LRRC4C: variants seen among roughly 807,000 people sequenced by gnomAD.
LRRC4C encodes the protein leucine-rich repeat-containing protein 4C.
A neutral mutation model predicts 33.6 loss-of-function variants in LRRC4C; 5 were observed. The ratio of observed to expected loss-of-function variants is 0.15; its 90% CI spans 0.08 to 0.31. The LOEUF (loss-of-function observed/expected upper bound fraction) is 0.31. Ranked by LOEUF, LRRC4C falls within the 10% of genes least tolerant of loss-of-function variation. LRRC4C has a pLI of 1.00. For synonymous variants in LRRC4C, 329 were observed against 302.0 expected (o/e 1.09, Z -0.93); for missense variants, 560 against 796.7 (o/e 0.70, Z 3.58).
chr11:41,328,516 A>G (rs940526528), intron 1 of LRRC4C, among the ~76,000 whole-genome samples: 3 of 152,024 alleles, frequency 2.0e-5, no homozygotes, highest in African/African-American at 7.3e-5. Flanking sequence ...CCAGGCCAAC[A>G]CTGCTCTGTC....
At chr11:40,300,962 T>G (rs1412471473) in intron 4 of LRRC4C, among the ~76,000 whole-genome samples, 1 of 152,190 alleles carries the variant, frequency 6.6e-6, no homozygotes, top group African/African-American at 2.4e-5. Context: ...TGTACCAGGC[T>G]CTCTGGAAGG....
intron 1 of LRRC4C, among the ~76,000 whole-genome samples, chr11:41,126,870 T>C (rs1213779199): frequency 6.6e-6 from 1 of 152,066 alleles, no homozygotes; most frequent in Non-Finnish European, 1.5e-5. Context: ...ATGAATGTAA[T>C]TCCATGAGAA....
intron 1 of LRRC4C, among the ~76,000 whole-genome samples, chr11:41,432,281 T>G (rs1590261231): frequency 6.6e-6 from 1 of 152,334 alleles, no homozygotes; most frequent in South Asian, 2.1e-4. Flanking sequence ...AAACTTTAGC[T>G]TAACGTTTTA....
At chr11:41,132,129 C>T (rs560222898) in intron 1 of LRRC4C, among the ~76,000 whole-genome samples, 11 of 152,236 alleles carry the variant, frequency 7.2e-5, no homozygotes, top group African/African-American at 2.6e-4. Flanking sequence ...GGTCCAAAAA[C>T]CCTCTTGGAG....
intron 2 of LRRC4C, among the ~76,000 whole-genome samples, chr11:40,653,294 C>A (rs1397104972): frequency 6.6e-6 from 1 of 152,170 alleles, no homozygotes; most frequent in Non-Finnish European, 1.5e-5. Context: ...AAGTTTGGAA[C>A]TTCCTAGACA....
Position 40,114,618 on chromosome 11 carries a change from G to A in LRRC4C, c.1675C>T (p.His559Tyr), listed in dbSNP as rs1855279918. 2 of 1,614,026 alleles carry A rather than the reference G, an allele frequency of 1.2e-6. No homozygotes were observed. Among genetic ancestry groups the A allele is most frequent in the South Asian group, 2.2e-5 (2 of 91,086 alleles). Residue 559 changes from histidine to tyrosine, a missense_variant, in exon 7 of 7, where the codon CAT becomes TAT. By Grantham distance (83) the His-to-Tyr change is moderately conservative. Coordinates refer to ENST00000528697, the MANE Select transcript of LRRC4C (RefSeq NM_001258419.2). ...TCAACAGTCCTTGTTGGGGCGTGAT[G>A]GTTTTGCCGATGGTGCTGCTTCCTC... ...KMRKQHHRQN[H>Y]HAPTRTVEII...
intron 1 of LRRC4C, among the ~76,000 whole-genome samples, chr11:41,138,749 C>T (rs1417357843): frequency 6.6e-6 from 1 of 152,168 alleles, no homozygotes; most frequent in East Asian, 1.9e-4. Context: ...GGAACAGATG[C>T]ATTTCAATAA....
chr11:40,221,351 C>T (rs140370530), intron 5 of LRRC4C, among the ~76,000 whole-genome samples: 4 of 152,188 alleles, frequency 2.6e-5, no homozygotes, highest in African/African-American at 4.8e-5. Context: ...TTTAAACTGA[C>T]GGATCAGTCT....
chr11:40,896,021 C>T (rs888298735), intron 2 of LRRC4C, among the ~76,000 whole-genome samples: 3 of 152,198 alleles, frequency 2.0e-5, no homozygotes, highest in African/African-American at 7.2e-5. Context: ...CAATTCCAGC[C>T]ACCAAGGGGT....
intron 1 of LRRC4C, among the ~76,000 whole-genome samples, chr11:41,310,063 C>A (rs191736831): frequency 2.7e-4 from 41 of 152,250 alleles, no homozygotes; most frequent in African/African-American, 8.7e-4. Context: ...TTTCTCATTT[C>A]CTCCCAAGGA....
chr11:40,228,797 A>C (rs552911790), intron 5 of LRRC4C, among the ~76,000 whole-genome samples: 2 of 152,168 alleles, frequency 1.3e-5, no homozygotes, highest in Non-Finnish European at 2.9e-5. Context: ...CATGTTGATA[A>C]AGTATGAAGT....
chr11:41,192,511 C>T, intron 1 of LRRC4C, among the ~76,000 whole-genome samples: 1 of 151,876 alleles, frequency 6.6e-6, no homozygotes, highest in East Asian at 1.9e-4. Context: ...ATCAGTACCC[C>T]TTATTCCCCC....
At chr11:40,694,613 A>C (rs1221574556) in intron 2 of LRRC4C, among the ~76,000 whole-genome samples, 1 of 152,158 alleles carries the variant, frequency 6.6e-6, no homozygotes, top group South Asian at 2.1e-4. Flanking sequence ...TCCCATGGCT[A>C]TACAGAGACA....
chr11:40,468,623 AG>A (rs1191641677), intron 3 of LRRC4C, among the ~76,000 whole-genome samples: 1 of 152,282 alleles, frequency 6.6e-6, no homozygotes, highest in East Asian at 1.9e-4. Flanking sequence ...AGTTTAACAA[AG>A]AGCTTTTCCA....
intron 6 of LRRC4C, among the ~76,000 whole-genome samples, chr11:40,119,878 C>T (rs1351389153): frequency 6.6e-6 from 1 of 152,160 alleles, no homozygotes; most frequent in Non-Finnish European, 1.5e-5. Context: ...CTCACACCAC[C>T]ATTCCCCTGC....
intron 5 of LRRC4C, among the ~76,000 whole-genome samples, chr11:40,190,698 A>G (rs777787190): frequency 2.0e-5 from 3 of 152,204 alleles, no homozygotes; most frequent in Non-Finnish European, 2.9e-5. Flanking sequence ...TAAAACATAA[A>G]ATGATTTTAC....
At chr11:40,559,376 G>A (rs1488624333) in intron 3 of LRRC4C, among the ~76,000 whole-genome samples, 1 of 151,926 alleles carries the variant, frequency 6.6e-6, no homozygotes, top group African/African-American at 2.4e-5. Context: ...GTAGAGACGG[G>A]GTTTTGCCAT....
At chr11:40,931,302 C>G (rs1490417381) in intron 2 of LRRC4C, among the ~76,000 whole-genome samples, 1 of 152,104 alleles carries the variant, frequency 6.6e-6, no homozygotes, top group Non-Finnish European at 1.5e-5. Context: ...TGTACATTTA[C>G]TGGGAATTTA....
chr11:40,949,323 G>T (rs553318325), intron 1 of LRRC4C, among the ~76,000 whole-genome samples: 80 of 152,232 alleles, frequency 5.3e-4, no homozygotes, highest in African/African-American at 1.8e-3. Context: ...TGGGTTGCCT[G>T]TTCACTCTGA....
Sources: gnomAD v4.1 joint callset for allele counts (sites outside exome capture counted in the v4.1 genomes callset) on GRCh38, gnomAD v4.1.1 for gene constraint, MANE v1.5 for transcripts, NCBI Gene and HGNC (gene_info 2026-07-23, HGNC 2026-07-21) for gene names.